Variants in TCF7L2 observed in about 807,000 individuals in gnomAD.
TCF7L2 encodes the protein transcription factor 7-like 2.
Under a neutral mutation model 77.9 loss-of-function variants are expected in TCF7L2, and 23 were observed. That is an observed-to-expected ratio of 0.30 (90% CI 0.21 to 0.42). TCF7L2 has a LOEUF of 0.42. Among genes scored for constraint, TCF7L2 ranks in the 10% least tolerant of loss-of-function variants. The pLI is 1.00. For synonymous variants in TCF7L2, 413 were observed against 340.2 expected, an observed-to-expected ratio of 1.21 and a Z score of -2.36; for missense variants, 654 against 793.1, an observed-to-expected ratio of 0.82 and a Z score of 2.11.
intron 4 of TCF7L2, among the ~76,000 whole-genome samples, chr10:112,977,329 A>C (rs1165695023): frequency 6.6e-6 from 1 of 152,200 alleles, no homozygotes; most frequent in East Asian, 1.9e-4. Flanking sequence ...GTAGGGAAGA[A>C]GTCTTGTGTC....
intron 12 of TCF7L2, 100 bp from the exon 14 acceptor site, chr10:113,159,820 A>ACC: frequency 3.6e-6 from 1 of 277,968 alleles, no homozygotes; most frequent in South Asian, 3.1e-5. Context: ...TCTTATTTGT[A>ACC]TCTTTCTCTT....
At chr10:113,154,318 G>A (rs562107776) in intron 11 of TCF7L2, among the ~76,000 whole-genome samples, 4 of 152,194 alleles carry the variant, frequency 2.6e-5, no homozygotes, top group East Asian at 1.9e-4. Context: ...TCCTGGTTTC[G>A]GGTCAGAAGT....
chr10:113,131,933 C>G (rs2814571), intron 5 of TCF7L2: 1 of 152,260 alleles, frequency 6.6e-6, no homozygotes, highest in African/African-American at 2.4e-5. Flanking sequence ...AACACATCAG[C>G]TGGAGATCAG....
rs1332137543 is a variant in TCF7L2, at chr10:113,019,379, C to T, written c.451-20646C>T. ...AATGTGTCCTCGTTAGAAAGACTCACTAATGGTTGTGGGGGGGTGGCCCAT... is the reference window on the plus strand; with the variant it reads ...AATGTGTCCTCGTTAGAAAGACTCATTAATGGTTGTGGGGGGGTGGCCCAT... On this transcript the variant is annotated intron_variant, in intron 4 of 13. Coordinates refer to ENST00000627217, the MANE Select transcript of TCF7L2 (RefSeq NM_001146274.2). Among the ~76,000 whole-genome samples the T allele has an allele frequency of 2.0e-5, 3 of 152,028 alleles. No individual in the cohort carries two copies. The South Asian group carries it at 6.2e-4, about 32-fold the overall frequency.
intron 5 of TCF7L2, among the ~76,000 whole-genome samples, chr10:113,106,897 A>G (rs2062395138): frequency 1.3e-5 from 2 of 152,250 alleles, no homozygotes; most frequent in Admixed American, 1.3e-4. Flanking sequence ...CACCAACACT[A>G]TGTGAGAAAA....
At chr10:113,071,000 G>A (rs1453840661) in intron 5 of TCF7L2, among the ~76,000 whole-genome samples, 1 of 152,126 alleles carries the variant, frequency 6.6e-6, no homozygotes, top group African/African-American at 2.4e-5. Context: ...CTATGGATTT[G>A]CCTATTCTGG....
At chr10:112,972,407 T>G (rs2038471048) in intron 4 of TCF7L2, among the ~76,000 whole-genome samples, 2 of 152,228 alleles carry the variant, frequency 1.3e-5, no homozygotes, top group Admixed American at 1.3e-4. Flanking sequence ...CAGTAGTTAG[T>G]AATAATAGCT....
intron 5 of TCF7L2, among the ~76,000 whole-genome samples, chr10:113,108,335 A>G (rs1160792786): frequency 6.6e-6 from 1 of 152,110 alleles, no homozygotes; most frequent in Non-Finnish European, 1.5e-5. Context: ...GAATGGGTGT[A>G]AAGTGTTCAC....
At chr10:113,163,335 G>A (rs2073497153) in intron 13 of TCF7L2, among the ~76,000 whole-genome samples, 1 of 152,172 alleles carries the variant, frequency 6.6e-6, no homozygotes. Flanking sequence ...AGCCCACCAA[G>A]TTGCTTTTCC....
At chr10:113,072,727 G>A (rs2058184601) in intron 5 of TCF7L2, among the ~76,000 whole-genome samples, 1 of 152,206 alleles carries the variant, frequency 6.6e-6, no homozygotes, top group Non-Finnish European at 1.5e-5. Context: ...GAAACTGGCA[G>A]TGGAATATGA....
intron 3 of TCF7L2, among the ~76,000 whole-genome samples, chr10:112,961,080 T>G (rs1488231673): frequency 6.7e-6 from 1 of 149,408 alleles, no homozygotes; most frequent in Non-Finnish European, 1.5e-5. Flanking sequence ...AATGCCTAGA[T>G]CTCGCTCACC....
intron 4 of TCF7L2, among the ~76,000 whole-genome samples, chr10:113,008,447 CA>C (rs1382242459): frequency 6.6e-6 from 1 of 152,190 alleles, no homozygotes; most frequent in Non-Finnish European, 1.5e-5. Flanking sequence ...ATGATATCAG[CA>C]CTATGCTGCC....
chr10:113,096,023 TC>T, intron 5 of TCF7L2, among the ~76,000 whole-genome samples: 1 of 152,216 alleles, frequency 6.6e-6, no homozygotes, highest in Non-Finnish European at 1.5e-5. Flanking sequence ...TTTTGGCTCC[TC>T]CCCTTTTGTA....
At chr10:112,974,517 C>T (rs2038981828) in intron 4 of TCF7L2, among the ~76,000 whole-genome samples, 1 of 152,154 alleles carries the variant, frequency 6.6e-6, no homozygotes, top group Non-Finnish European at 1.5e-5. Context: ...GATCTCGGCT[C>T]ACTGCCACTT....
intron 5 of TCF7L2, chr10:113,089,650 ATTCTT>A: frequency 7.3e-7 from 1 of 1,366,466 alleles, no homozygotes; most frequent in Non-Finnish European, 9.8e-7. Flanking sequence ...CGATCCCTGA[ATTCTT>A]GTTGGGTCAC....
At chr10:113,161,365 G>A (rs1429268331) in intron 13 of TCF7L2, 2 of 596,062 alleles carry the variant, frequency 3.4e-6, no homozygotes, top group African/African-American at 3.7e-5. Flanking sequence ...GTGTATATAT[G>A]TAGCATTGGT....
At chr10:113,139,249 C>G (rs893193777) in intron 5 of TCF7L2, among the ~76,000 whole-genome samples, 1 of 152,162 alleles carries the variant, frequency 6.6e-6, no homozygotes, top group Non-Finnish European at 1.5e-5. Flanking sequence ...CCACTTTGTC[C>G]GTGTCTGTCT....
chr10:113,019,897 G>C (rs943997969), intron 4 of TCF7L2, among the ~76,000 whole-genome samples: 2 of 151,998 alleles, frequency 1.3e-5, no homozygotes, highest in Non-Finnish European at 2.9e-5. Context: ...GCAGTGATAC[G>C]GATGGAGGCA....
At chr10:113,121,888 T>C (rs1171835152) in intron 5 of TCF7L2, among the ~76,000 whole-genome samples, 1 of 152,208 alleles carries the variant, frequency 6.6e-6, no homozygotes, top group Non-Finnish European at 1.5e-5. Flanking sequence ...ACATTTGCAA[T>C]GGGGAAAACA....
Sources: gnomAD v4.1 joint callset for allele counts (sites outside exome capture counted in the v4.1 genomes callset) on GRCh38, gnomAD v4.1.1 for gene constraint, MANE v1.5 for transcripts, NCBI Gene and HGNC (gene_info 2026-07-23, HGNC 2026-07-21) for gene names.